Variants in PLCE1 observed in about 807,000 individuals in gnomAD.
The protein encoded by PLCE1 is phospholipase C epsilon 1, also known as 1-phosphatidylinositol 4,5-bisphosphate phosphodiesterase epsilon-1.
PLCE1 carries 119 observed loss-of-function variants against 242.8 expected under a neutral mutation model. That is an observed-to-expected ratio of 0.49 (90% CI 0.42 to 0.57). PLCE1 has a LOEUF of 0.57. Ranked by LOEUF, PLCE1 falls within the 20% of genes least tolerant of loss-of-function variation. PLCE1 has a pLI of 0.00. For missense variants in PLCE1, 2,441 were observed against 2,788.8 expected (o/e 0.88, Z 2.81); for synonymous variants, 945 against 1,017.4 (o/e 0.93, Z 1.35).
chr10:94,076,963 A>G (rs1418375517), intron 2 of PLCE1, among the ~76,000 whole-genome samples: 1 of 152,248 alleles, frequency 6.6e-6, no homozygotes, highest in African/African-American at 2.4e-5. Flanking sequence ...ACATAAGTGG[A>G]TAAAGTACAA....
chr10:94,246,174 G>T lies in PLCE1; in HGVS notation c.2649G>T (p.Gln883His). The change falls in exon 8 of 33, where the codon CAG becomes CAT. Residue 883 changes from glutamine to histidine, a missense_variant. By Grantham distance (24) the Gln-to-His change is conservative. Transcript: ENST00000371380. ...ACCTCTCTGCCCGCTGCTTCCTCCA[G>T]CTTCAGCCCGACAATAGCACCTTGA... ...DTHLSARCFL[Q>H]LQPDNSTLTW... is the part of the protein sequence containing the mutation. 1 of 1,614,052 alleles carries T rather than the reference G, an allele frequency of 6.2e-7. No homozygotes were observed. The highest frequency in any genetic ancestry group is 8.5e-7 in the Non-Finnish European group (1 of 1,179,988).
chr10:94,159,697 C>T (rs975776735), intron 3 of PLCE1, among the ~76,000 whole-genome samples: 6 of 151,994 alleles, frequency 3.9e-5, no homozygotes, highest in African/African-American at 1.5e-4. Flanking sequence ...ATATATGTGC[C>T]ATGTTGGTGT....
At chr10:94,153,697 T>C (rs946164134) in intron 3 of PLCE1, among the ~76,000 whole-genome samples, 3 of 152,168 alleles carry the variant, frequency 2.0e-5, no homozygotes, top group South Asian at 2.1e-4. Context: ...AAGGTTGCAG[T>C]GTACAAGATC....
At chr10:94,026,965 C>T (rs1260708367) in intron 1 of PLCE1, among the ~76,000 whole-genome samples, 1 of 152,134 alleles carries the variant, frequency 6.6e-6, no homozygotes, top group African/African-American at 2.4e-5. Flanking sequence ...TCCTTCACAA[C>T]CTGATGGAGT....
Position 94,085,752 on chromosome 10 carries a change from G to A in PLCE1, c.1207-46422G>A, listed in dbSNP as rs372184020. Among the ~76,000 whole-genome samples the A allele has an allele frequency of 3.4e-4, 51 of 152,066 alleles. 1 individual carries two copies. Among genetic ancestry groups the A allele is most frequent in the African/African-American group, 1.1e-3 (47 of 41,404 alleles). On this transcript the variant is annotated intron_variant, in intron 2 of 32. Coordinates refer to ENST00000371380, the MANE Select transcript of PLCE1 (RefSeq NM_016341.4). ...TTCTCTTAGCACTGAATGCCAGAAC[G>A]GCCACTAGCAGGGGCAGGATGGGAA...
intron 2 of PLCE1, among the ~76,000 whole-genome samples, chr10:94,130,507 G>A (rs2046565635): frequency 6.6e-6 from 1 of 152,154 alleles, no homozygotes; most frequent in Non-Finnish European, 1.5e-5. Flanking sequence ...GGAGGGAGCT[G>A]TCTTGAAACA....
chr10:94,029,856 T>C lies in PLCE1; in HGVS notation c.-364-827T>C, dbSNP rs139950076. On this transcript the variant is annotated intron_variant, in intron 1 of 32. Coordinates refer to ENST00000371380, the MANE Select transcript of PLCE1 (RefSeq NM_016341.4). The stretch of plus-strand genomic sequence containing the variant: ...ATTAGTTTTCTCGGGAGCAACTGCT[T>C]CTCCTGGAAGGGAATGATATGCTCA... 9.6e-4 allele frequency among the ~76,000 whole-genome samples: 146 copies of C among 152,240 alleles called. 2 individuals are homozygous for C. In the East Asian group the frequency reaches 0.022, roughly 23 times the overall value.
At chr10:94,260,729 C>T (rs111399189) in intron 13 of PLCE1, among the ~76,000 whole-genome samples, 14 of 151,718 alleles carry the variant, frequency 9.2e-5, no homozygotes, top group African/African-American at 3.1e-4. Context: ...GGGTCTTGCT[C>T]TGTTGACCAG....
At chr10:94,274,047 T>C (rs183317977) in intron 19 of PLCE1, among the ~76,000 whole-genome samples, 2 of 151,990 alleles carry the variant, frequency 1.3e-5, no homozygotes, top group Admixed American at 6.5e-5. Context: ...TATAGTCCCC[T>C]TTAGGGAGAG....
At chr10:94,255,691 A>G (rs538450398) in intron 11 of PLCE1, among the ~76,000 whole-genome samples, 1 of 152,364 alleles carries the variant, frequency 6.6e-6, no homozygotes, top group African/African-American at 2.4e-5. Context: ...AAATTACTTT[A>G]TAAGTTCCAT....
chr10:94,218,814 C>CAG (rs2049616111), intron 4 of PLCE1, among the ~76,000 whole-genome samples: 1 of 150,682 alleles, frequency 6.6e-6, no homozygotes, highest in South Asian at 2.1e-4. Context: ...CTAAAGATGA[C>CAG]AGCATATAAA....
intron 2 of PLCE1, among the ~76,000 whole-genome samples, chr10:94,089,769 G>A (rs977027649): frequency 6.6e-6 from 1 of 152,072 alleles, no homozygotes; most frequent in Non-Finnish European, 1.5e-5. Flanking sequence ...CAGGATACTC[G>A]CTTTTGAATA....
chr10:94,227,380 G>T lies in PLCE1; in HGVS notation c.1884G>T (p.Leu628Phe), dbSNP rs776774194. 6.2e-7 allele frequency: 1 copy of T among 1,613,962 alleles called. No homozygotes were observed. The highest frequency in any genetic ancestry group is 8.5e-7 in the Non-Finnish European group (1 of 1,179,902). Residue 628 changes from leucine to phenylalanine, a missense_variant, in exon 5 of 33, where the codon TTG (leucine) becomes TTT (phenylalanine). Around this residue, in one of 5 missense-constraint regions of PLCE1, gnomAD observed 733 missense variants for 754.2 expected, o/e 0.97. Coordinates refer to ENST00000371380, the MANE Select transcript of PLCE1 (RefSeq NM_016341.4). Reference protein sequence around the residue: ...MEEKREVFSYLVHVAKCCWNM... With the variant: ...MEEKREVFSYFVHVAKCCWNM... ...AGAAGCGAGAAGTCTTTTCATATTT[G>T]GTGCATGTGGCCAAATGCTGCTGGA...
chr10:94,210,415 C>G (rs2049295614), intron 4 of PLCE1, among the ~76,000 whole-genome samples: 1 of 152,134 alleles, frequency 6.6e-6, no homozygotes, highest in Non-Finnish European at 1.5e-5. Flanking sequence ...ACAGGTCTGT[C>G]ACTTTTACAG....
chr10:94,191,565 C>T (rs749141887), intron 4 of PLCE1, among the ~76,000 whole-genome samples: 27 of 151,864 alleles, frequency 1.8e-4, no homozygotes, highest in Admixed American at 9.8e-4. Flanking sequence ...CACTTGAGTG[C>T]GGGAGGTTGA....
Position 94,235,912 on chromosome 10 carries a change from T to G in PLCE1, c.2215-3T>G, listed in dbSNP as rs1245171505. 6.2e-7 allele frequency: 1 copy of G among 1,611,930 alleles called. No homozygotes were observed. The highest frequency in any genetic ancestry group is 8.5e-7 in the Non-Finnish European group (1 of 1,178,342). On this transcript the variant is annotated splice_region_variant and splice_polypyrimidine_tract_variant and intron_variant, in intron 6 of 32. Transcript: ENST00000371380. ...ATAGCAAATTCTCGATTTTTTTTTG[T>G]AGTTTGTAGCAGATTACAGTGGACA... is the stretch of plus-strand genomic sequence containing the variant.
chr10:94,118,577 A>G (rs985789356), intron 2 of PLCE1, among the ~76,000 whole-genome samples: 1 of 152,174 alleles, frequency 6.6e-6, no homozygotes, highest in African/African-American at 2.4e-5. Flanking sequence ...GATGGTTTTA[A>G]AAATGGGAGT....
chr10:94,073,777 A>G (rs913987183), intron 2 of PLCE1, among the ~76,000 whole-genome samples: 2 of 152,218 alleles, frequency 1.3e-5, no homozygotes, highest in African/African-American at 4.8e-5. Flanking sequence ...CAGAATGCCA[A>G]TCACCAAGTC....
chr10:94,283,720 GTGA>G, intron 20 of PLCE1, 67 bp from the exon 21 acceptor site: 1 of 1,529,380 alleles, frequency 6.5e-7, no homozygotes, highest in South Asian at 1.1e-5. Flanking sequence ...TGTCCTCACA[GTGA>G]TGCACATGTA....
Sources: gnomAD v4.1 joint callset for allele counts (sites outside exome capture counted in the v4.1 genomes callset) on GRCh38, gnomAD v4.1.1 for gene constraint, gnomAD v4.1.1 regional missense constraint, MANE v1.5 for transcripts, NCBI Gene and HGNC (gene_info 2026-07-23, HGNC 2026-07-21) for gene names.